The following CGREF1 variants were observed in gnomAD, a reference collection of about 807,000 sequenced individuals.
CGREF1 encodes cell growth regulator with EF-hand domain 1, also known as cell growth regulator with EF hand domain protein 1.
CGREF1 carries 16 observed loss-of-function variants against 17.4 expected under a neutral mutation model. The ratio of observed to expected loss-of-function variants is 0.92; its 90% CI spans 0.62 to 1.40. The LOEUF is 1.40. Ranked by LOEUF, CGREF1 falls within the 40% of genes most tolerant of loss-of-function variation. The pLI is 0.00. For missense variants in CGREF1, 296 were observed against 376.4 expected, an observed-to-expected ratio of 0.79 and a Z score of 1.77; for synonymous variants, 142 against 154.6, an observed-to-expected ratio of 0.92 and a Z score of 0.61.
intron 1 of CGREF1, among the ~76,000 whole-genome samples, chr2:27,109,277 T>C (rs1283602979): frequency 6.7e-6 from 1 of 149,214 alleles, no homozygotes; most frequent in Non-Finnish European, 1.5e-5. Context: ...GAAGCTGAGG[T>C]GGTAGGATCG....
At chr2:27,109,697 C>T (rs886484728) in intron 1 of CGREF1, among the ~76,000 whole-genome samples, 1 of 151,350 alleles carries the variant, frequency 6.6e-6, no homozygotes, top group African/African-American at 2.4e-5. Flanking sequence ...ATCTGCCTGA[C>T]CAACATGGAG....
At chr2:27,099,978 T>TGGCAGCTTCTGTC (rs113578725), downstream of CGREF1, 13,717 of 907,640 alleles carry the variant, frequency 0.015, 1,242 homozygotes, top group African/African-American at 0.2. Context: ...CAGCTTCTCC[T>TGGCAGCTTCTGTC]CTCAATGTCT....
chr2:27,116,874 T>A (rs1418784818), intron 1 of CGREF1, among the ~76,000 whole-genome samples: 1 of 21,488 alleles, frequency 4.7e-5, no homozygotes, highest in Non-Finnish European at 8.9e-5. Context: ...AGGCCTATTC[T>A]CTCTCTCTCT....
intron 2 of CGREF1, among the ~76,000 whole-genome samples, chr2:27,103,508 G>A (rs1670993169): frequency 1.3e-5 from 2 of 152,004 alleles, no homozygotes; most frequent in South Asian, 2.1e-4. Flanking sequence ...GAGTAGCTGG[G>A]ATTACAGGCA....
At chr2:27,112,701 A>T (rs978765546) in intron 1 of CGREF1, among the ~76,000 whole-genome samples, 1 of 152,272 alleles carries the variant, frequency 6.6e-6, no homozygotes, top group Non-Finnish European at 1.5e-5. Context: ...ACATTTAGGC[A>T]ATGGCTGAAC....
At chr2:27,105,328 C>T (rs1016703463) in intron 1 of CGREF1, among the ~76,000 whole-genome samples, 4 of 152,194 alleles carry the variant, frequency 2.6e-5, no homozygotes, top group African/African-American at 9.7e-5. Flanking sequence ...TAGCTTTCAG[C>T]AGATTCTCCA....
intron 1 of CGREF1, among the ~76,000 whole-genome samples, chr2:27,118,425 G>C (rs925323048): frequency 6.6e-6 from 1 of 152,192 alleles, no homozygotes; most frequent in African/African-American, 2.4e-5. Flanking sequence ...TACAGGGCTA[G>C]AGGAGCCCAC....
At chr2:27,111,519 C>A (rs1216826868) in intron 1 of CGREF1, among the ~76,000 whole-genome samples, 1 of 152,256 alleles carries the variant, frequency 6.6e-6, no homozygotes, top group Non-Finnish European at 1.5e-5. Context: ...GCCCGCACTC[C>A]TCAGCCCTTG....
chr2:27,110,944 G>A (rs1338059248), intron 1 of CGREF1: 3 of 152,434 alleles, frequency 2.0e-5, no homozygotes, highest in Non-Finnish European at 4.4e-5. Flanking sequence ...GTGGGTTCGT[G>A]ATCTCGCTGG....
chr2:27,104,610 G>A (rs1027311744), intron 1 of CGREF1: 2 of 1,550,616 alleles, frequency 1.3e-6, no homozygotes, highest in Middle Eastern at 1.7e-4. Flanking sequence ...CAGGCCTGCT[G>A]TGGCGGAAGC....
chr2:27,104,078 G>T (rs1671020563), intron 2 of CGREF1, among the ~76,000 whole-genome samples: 1 of 152,184 alleles, frequency 6.6e-6, no homozygotes, highest in Admixed American at 6.5e-5. Flanking sequence ...TGAGTTCTCT[G>T]ATTCCAAATG....
chr2:27,099,930 G>GA, downstream of CGREF1: 8 of 1,368,568 alleles, frequency 5.8e-6, no homozygotes, highest in Non-Finnish European at 8.1e-6. Flanking sequence ...ATGGCTGGGG[G>GA]ATGCAGAGCC....
At chr2:27,100,021 G>GAC, downstream of CGREF1, 1 of 679,422 alleles carries the variant, frequency 1.5e-6, no homozygotes, top group Non-Finnish European at 2.5e-6. Context: ...CTGAGGCTCT[G>GAC]ACTCTTCGAT....
intron 1 of CGREF1, among the ~76,000 whole-genome samples, chr2:27,116,550 T>C (rs1572906150): frequency 6.6e-6 from 1 of 150,952 alleles, no homozygotes; most frequent in East Asian, 1.9e-4. Flanking sequence ...AAAAAAAAAG[T>C]AAATGATGTG....
chr2:27,099,908 G>A (rs1670702014), downstream of CGREF1: 1 of 1,489,880 alleles, frequency 6.7e-7, no homozygotes, highest in East Asian at 2.5e-5. Flanking sequence ...CACAGGGAGA[G>A]GCTCTGGGGG....
In CGREF1 at chr2:27,116,871, TTCTCTCTCTCTCTCTCTCTC is replaced by T. The variant is rs537582075; in HGVS notation, c.-12+1955_-12+1974del. ...GGGATGAGCCACCAGGCCAGGCCTA[TTCTCTCTCTCTCTCTCTCTC>T]TCTCTCTCTCTCTCTCTCTCTCTCT... On this transcript the variant is annotated intron_variant, in intron 1 of 5. Transcript: ENST00000402394. 7.1e-4 allele frequency among the ~76,000 whole-genome samples: 24 copies of T among 33,700 alleles called. 1 individual carries two copies. Among genetic ancestry groups the T allele is most frequent in the Admixed American group, 4.0e-3 (10 of 2,530 alleles). 22.1% of individuals were successfully genotyped at this position (33,700 alleles called of 152,430 possible).
At chr2:27,105,129 A>C (rs1348869726) in intron 1 of CGREF1, among the ~76,000 whole-genome samples, 1 of 152,252 alleles carries the variant, frequency 6.6e-6, no homozygotes, top group Non-Finnish European at 1.5e-5. Context: ...CAGAGCCTAA[A>C]GCTTTCTGGT....
At position 27,101,221 on chromosome 2, in the gene CGREF1, C is replaced by T; in HGVS notation, c.*53G>A. Reference sequence around the variant, plus strand: ...CAGCGTACATTTCCCCTGCCCACTTCAGGGCTTATGTTCTGGCACTGAGAC... The same window carrying T: ...CAGCGTACATTTCCCCTGCCCACTTTAGGGCTTATGTTCTGGCACTGAGAC... On this transcript the variant is annotated 3_prime_UTR_variant, in exon 6 of 6. Coordinates refer to ENST00000402394, the MANE Select transcript of CGREF1 (RefSeq NM_006569.6). The T allele has an allele frequency of 1.3e-6, 2 of 1,517,134 alleles. No individual in the cohort carries two copies. Among genetic ancestry groups the T allele is most frequent in the Non-Finnish European group, 1.8e-6 (2 of 1,134,452 alleles). 94.0% of individuals were successfully genotyped at this position (1,517,134 alleles called of 1,614,324 possible). A position where few individuals can be genotyped will look rare whatever the true frequency, so the allele number is the denominator to read the frequency against.
intron 1 of CGREF1, among the ~76,000 whole-genome samples, chr2:27,116,420 C>T (rs1049513839): frequency 5.3e-5 from 8 of 151,334 alleles, no homozygotes; most frequent in Non-Finnish European, 7.4e-5. Flanking sequence ...CCAGCTACTT[C>T]GGAGGCTGAG....
Sources: allele counts gnomAD v4.1 joint callset (sites outside exome capture counted in the v4.1 genomes callset), GRCh38; gene constraint gnomAD v4.1.1; transcripts MANE v1.5; gene names NCBI Gene and HGNC (gene_info 2026-07-23, HGNC 2026-07-21).